Variants in RPS6KC1 observed in about 807,000 individuals in gnomAD.
RPS6KC1 encodes the protein inactive ribosomal protein S6 kinase delta-1.
Under a neutral mutation model 103.8 loss-of-function variants are expected in RPS6KC1, and 54 were observed. That is an observed-to-expected ratio of 0.52 (90% CI 0.42 to 0.65). RPS6KC1 has a LOEUF of 0.65. Among genes scored for constraint, RPS6KC1 ranks in the 30% least tolerant of loss-of-function variants. The probability of loss-of-function intolerance (pLI) is 0.00; values close to 1 mark genes in which losing one functional copy is unlikely to be tolerated. For missense variants in RPS6KC1, 1,151 were observed against 1,253.8 expected, an observed-to-expected ratio of 0.92 and a Z score of 1.24; for synonymous variants, 439 against 438.7, an observed-to-expected ratio of 1.00 and a Z score of -0.01.
the RPS6KC1 span, among the ~76,000 whole-genome samples, chr1:213,615,451 G>A: frequency 6.6e-6 from 1 of 152,262 alleles, no homozygotes; most frequent in African/African-American, 2.4e-5. Flanking sequence ...GAGAGAGGAA[G>A]GAAGGAAGGC....
chr1:213,533,412 A>T, the RPS6KC1 span, among the ~76,000 whole-genome samples: 1 of 152,204 alleles, frequency 6.6e-6, no homozygotes, highest in Non-Finnish European at 1.5e-5. Context: ...TAGAATCAAT[A>T]TGGTACATAT....
At chr1:213,704,279 C>G in the RPS6KC1 span, among the ~76,000 whole-genome samples, 2 of 143,150 alleles carry the variant, frequency 1.4e-5, no homozygotes, top group African/African-American at 5.2e-5. Context: ...CCCAGCTACT[C>G]GGGAGGCTGA....
chr1:213,523,299 A>T, the RPS6KC1 span, among the ~76,000 whole-genome samples: 1 of 152,252 alleles, frequency 6.6e-6, no homozygotes, highest in East Asian at 1.9e-4. Context: ...ATCAAAGATC[A>T]CTGACCACAG....
At chr1:213,233,539 G>A (rs2094151288) in intron 10 of RPS6KC1, among the ~76,000 whole-genome samples, 1 of 152,104 alleles carries the variant, frequency 6.6e-6, no homozygotes, top group South Asian at 2.1e-4. Flanking sequence ...TCATGTTGGA[G>A]ATTATCTATG....
intron 12 of RPS6KC1, among the ~76,000 whole-genome samples, chr1:213,246,813 A>T (rs1201174104): frequency 6.6e-6 from 1 of 152,108 alleles, no homozygotes; most frequent in Admixed American, 6.5e-5. Context: ...TGTGAGTATG[A>T]GACTGCAGTG....
At chr1:213,772,805 G>A in the RPS6KC1 span, among the ~76,000 whole-genome samples, 2,225 of 152,258 alleles carry the variant, frequency 0.015, 59 homozygotes, top group Admixed American at 0.067. Context: ...ATAGCACAGT[G>A]GGCTTTGGTT....
Position 213,152,419 on chromosome 1 carries a change from C to T in RPS6KC1, c.836-15439C>T, listed in dbSNP as rs528848733. Among the ~76,000 whole-genome samples the T allele has an allele frequency of 4.4e-3, 656 of 150,030 alleles. 3 individuals carry two copies. Among genetic ancestry groups the T allele is most frequent in the African/African-American group, 0.015 (631 of 41,076 alleles). ...CCTCCCGGACGGGGTGGCTGCCGGG[C>T]GGAGACGCTCCTCACTTCCCAGACG... is the stretch of plus-strand genomic sequence containing the variant. On this transcript the variant is annotated intron_variant, in intron 6 of 14. Coordinates refer to ENST00000366960, the MANE Select transcript of RPS6KC1 (RefSeq NM_012424.6).
intron 6 of RPS6KC1, among the ~76,000 whole-genome samples, chr1:213,151,070 G>A (rs1391604387): frequency 2.7e-5 from 4 of 147,412 alleles, no homozygotes; most frequent in East Asian, 2.1e-4. Flanking sequence ...AGGGGCGGCC[G>A]GGCAGAGGCG....
chr1:213,706,585 C>T, the RPS6KC1 span, among the ~76,000 whole-genome samples: 1 of 152,134 alleles, frequency 6.6e-6, no homozygotes, highest in Non-Finnish European at 1.5e-5. Flanking sequence ...TTCTGGGATA[C>T]ATATGCAGAA....
the RPS6KC1 span, among the ~76,000 whole-genome samples, chr1:213,517,403 T>C: frequency 2.0e-5 from 3 of 152,230 alleles, no homozygotes; most frequent in African/African-American, 7.2e-5. Flanking sequence ...GCTTTGAATG[T>C]GTCCCAGAGA....
chr1:213,666,613 C>A, the RPS6KC1 span, among the ~76,000 whole-genome samples: 1 of 152,136 alleles, frequency 6.6e-6, no homozygotes, highest in Non-Finnish European at 1.5e-5. Context: ...TATATTTTGT[C>A]AAGTTACAAT....
At chr1:213,551,312 C>T in the RPS6KC1 span, among the ~76,000 whole-genome samples, 1 of 152,064 alleles carries the variant, frequency 6.6e-6, no homozygotes, top group African/African-American at 2.4e-5. Flanking sequence ...CATTTCATTG[C>T]CCAGGACTGG....
chr1:213,652,729 C>G, the RPS6KC1 span, among the ~76,000 whole-genome samples: 2 of 152,268 alleles, frequency 1.3e-5, no homozygotes, highest in African/African-American at 4.8e-5. Context: ...ACTGAGGTAC[C>G]CCAGCCAGGA....
chr1:213,445,646 G>A, the RPS6KC1 span, among the ~76,000 whole-genome samples: 19 of 152,180 alleles, frequency 1.2e-4, no homozygotes, highest in Admixed American at 7.9e-4. Flanking sequence ...AGGAGGAACA[G>A]ACTAGCCTGT....
chr1:213,084,187 C>T (rs1239631110), intron 3 of RPS6KC1, among the ~76,000 whole-genome samples: 1 of 152,030 alleles, frequency 6.6e-6, no homozygotes, highest in Non-Finnish European at 1.5e-5. Context: ...CCCTCTTCCC[C>T]TTTCTCCCCC....
chr1:213,762,197 G>A, the RPS6KC1 span, among the ~76,000 whole-genome samples: 6 of 152,176 alleles, frequency 3.9e-5, no homozygotes, highest in Non-Finnish European at 8.8e-5. Flanking sequence ...TCTGCCTAGC[G>A]TGCTTTTCAC....
the RPS6KC1 span, among the ~76,000 whole-genome samples, chr1:213,569,802 C>T: frequency 2.0e-5 from 3 of 152,168 alleles, no homozygotes; most frequent in Admixed American, 2.0e-4. Context: ...AATCATTCAA[C>T]AAACAGGTAT....
At chr1:213,449,841 G>C in the RPS6KC1 span, among the ~76,000 whole-genome samples, 1 of 152,180 alleles carries the variant, frequency 6.6e-6, no homozygotes, top group African/African-American at 2.4e-5. Flanking sequence ...TCAGAAGAGT[G>C]TTTTGTGGGC....
the RPS6KC1 span, among the ~76,000 whole-genome samples, chr1:213,733,235 T>C: frequency 1.7e-5 from 1 of 58,166 alleles, no homozygotes; most frequent in Admixed American, 1.7e-4. Flanking sequence ...TGTTTTTGGG[T>C]TTTGTTTTTT....
Sources: gnomAD v4.1 joint callset for allele counts (sites outside exome capture counted in the v4.1 genomes callset) on GRCh38, gnomAD v4.1.1 for gene constraint, MANE v1.5 for transcripts, NCBI Gene and HGNC (gene_info 2026-07-23, HGNC 2026-07-21) for gene names.